COX16: variants seen among roughly 807,000 people sequenced by gnomAD.
COX16 encodes cytochrome c oxidase assembly factor COX16, also known as cytochrome c oxidase assembly protein COX16 homolog, mitochondrial.
COX16 carries 12 observed loss-of-function variants against 15.4 expected under a neutral mutation model. That is an observed-to-expected ratio of 0.78 (90% CI 0.50 to 1.26). The LOEUF is 1.26. COX16 is among the 50% of genes most tolerant of loss of function. The pLI is 0.00. For synonymous variants in COX16, 46 were observed against 41.1 expected (o/e 1.12, Z -0.46); for missense variants, 124 against 127.6 (o/e 0.97, Z 0.14).
rs553865013 is a variant in COX16, at chr14:70,326,290, T to A, written c.*43A>T. On this transcript the variant is annotated 3_prime_UTR_variant, in exon 4 of 4. Coordinates refer to ENST00000389912, the MANE Select transcript of COX16 (RefSeq NM_016468.7). ...ATATTAGGAAGTCCAGTTAATAATA[T>A]TTTTATTTAAAAAAAAAAAAAAGGA... is the stretch of plus-strand genomic sequence containing the variant. 4.8e-4 allele frequency: 672 copies of A among 1,407,822 alleles called. 1 individual carries two copies. Among genetic ancestry groups the A allele is most frequent in the Admixed American group, 2.4e-3 (80 of 32,828 alleles). The allele number at this position is 1,407,822 out of a possible 1,614,324, so 87.2% of individuals were successfully genotyped here.
intron 1 of COX16, among the ~76,000 whole-genome samples, chr14:70,345,119 A>C (rs1886737626): frequency 6.6e-6 from 1 of 152,202 alleles, no homozygotes; most frequent in Admixed American, 6.5e-5. Flanking sequence ...AGGCCACAGC[A>C]GCCAGACAAA....
chr14:70,326,897 G>A (rs1017168960), intron 3 of COX16, among the ~76,000 whole-genome samples: 8 of 152,134 alleles, frequency 5.3e-5, no homozygotes, highest in African/African-American at 1.9e-4. Context: ...TTTGTCTTAC[G>A]CCTGGGCTTA....
intron 1 of COX16, chr14:70,359,305 A>C (rs1419456854): frequency 4.7e-6 from 3 of 643,868 alleles, no homozygotes; most frequent in Admixed American, 2.1e-5. Context: ...GTACACCTGA[A>C]ATCCAACCGG....
intron 1 of COX16, among the ~76,000 whole-genome samples, chr14:70,348,851 A>T (rs1179640695): frequency 1.3e-5 from 2 of 152,190 alleles, no homozygotes; most frequent in African/African-American, 2.4e-5. Context: ...CATTCATTGC[A>T]GGGGCCACCA....
At chr14:70,346,370 T>G (rs971401277) in intron 1 of COX16, among the ~76,000 whole-genome samples, 1 of 152,212 alleles carries the variant, frequency 6.6e-6, no homozygotes, top group African/African-American at 2.4e-5. Context: ...CACGGAAGCC[T>G]CCTAGCAACC....
chr14:70,334,438 G>T (rs149735058), intron 2 of COX16, among the ~76,000 whole-genome samples: 3 of 152,156 alleles, frequency 2.0e-5, no homozygotes, highest in Non-Finnish European at 2.9e-5. Flanking sequence ...CAGAAGAATC[G>T]CTTGGAAGGC....
intron 2 of COX16, among the ~76,000 whole-genome samples, chr14:70,338,346 A>G (rs1295331613): frequency 6.6e-6 from 1 of 152,198 alleles, no homozygotes; most frequent in East Asian, 1.9e-4. Flanking sequence ...CTCCTGATTC[A>G]AGTGATCCAC....
intron 2 of COX16, among the ~76,000 whole-genome samples, chr14:70,336,444 T>G (rs1450616130): frequency 6.6e-6 from 1 of 152,222 alleles, no homozygotes; most frequent in African/African-American, 2.4e-5. Flanking sequence ...GATAATTTAT[T>G]AAATTGTACA....
At chr14:70,346,467 G>GC in intron 1 of COX16, among the ~76,000 whole-genome samples, 1 of 152,118 alleles carries the variant, frequency 6.6e-6, no homozygotes, top group South Asian at 2.1e-4. Context: ...ACCAGGCCAT[G>GC]CCCCCTCTGC....
intron 1 of COX16, among the ~76,000 whole-genome samples, chr14:70,352,735 T>C (rs1344190396): frequency 7.0e-6 from 1 of 142,920 alleles, no homozygotes; most frequent in African/African-American, 2.6e-5. Context: ...AACCTCTGCC[T>C]CCCGGGTTCA....
intron 1 of COX16, among the ~76,000 whole-genome samples, chr14:70,350,457 G>T (rs974755798): frequency 2.0e-5 from 3 of 152,072 alleles, no homozygotes; most frequent in African/African-American, 7.2e-5. Flanking sequence ...GCGCGCTCTC[G>T]GGGTTCAAAC....
At chr14:70,357,797 G>A (rs1220945239) in intron 1 of COX16, among the ~76,000 whole-genome samples, 1 of 152,182 alleles carries the variant, frequency 6.6e-6, no homozygotes, top group Non-Finnish European at 1.5e-5. Flanking sequence ...TTGCTGGTGG[G>A]AATGTAAAAT....
intron 1 of COX16, among the ~76,000 whole-genome samples, chr14:70,355,949 C>T (rs993390327): frequency 3.9e-5 from 6 of 152,134 alleles, no homozygotes; most frequent in African/African-American, 1.2e-4. Flanking sequence ...CCTCCCCTCT[C>T]TCTTGGCATG....
chr14:70,344,699 A>G (rs911479271), intron 1 of COX16, among the ~76,000 whole-genome samples: 1 of 152,182 alleles, frequency 6.6e-6, no homozygotes, highest in Non-Finnish European at 1.5e-5. Context: ...TGAACAACTC[A>G]TCCCTTCTCA....
chr14:70,350,338 T>C (rs1171132243), intron 1 of COX16, among the ~76,000 whole-genome samples: 3 of 152,196 alleles, frequency 2.0e-5, no homozygotes, highest in African/African-American at 4.8e-5. Flanking sequence ...TGTAAAACTT[T>C]CGTCCCGTCC....
intron 2 of COX16, among the ~76,000 whole-genome samples, chr14:70,330,636 A>G (rs1456948363): frequency 1.3e-5 from 2 of 152,368 alleles, no homozygotes; most frequent in East Asian, 3.9e-4. Context: ...AATTTATTCC[A>G]GAAAGGCGAA....
At chr14:70,342,584 C>G in intron 2 of COX16, 74 bp downstream of exon 2, 1 of 1,453,834 alleles carries the variant, frequency 6.9e-7, no homozygotes, top group East Asian at 2.3e-5. Flanking sequence ...ACTTAGTATA[C>G]TGAGTATACA....
At chr14:70,329,359 TCCA>T in intron 2 of COX16, 123 bp from the exon 3 acceptor site, 1 of 769,342 alleles carries the variant, frequency 1.3e-6, no homozygotes, top group South Asian at 2.1e-5. Flanking sequence ...TGGCAAAATC[TCCA>T]CCATCTACTC....
intron 2 of COX16, among the ~76,000 whole-genome samples, chr14:70,342,176 G>A (rs914820653): frequency 1.3e-5 from 2 of 152,200 alleles, no homozygotes; most frequent in African/African-American, 4.8e-5. Context: ...TGGGCACAGT[G>A]GCTCACACCT....
Sources: gnomAD v4.1 joint callset for allele counts (sites outside exome capture counted in the v4.1 genomes callset) on GRCh38, gnomAD v4.1.1 for gene constraint, MANE v1.5 for transcripts, NCBI Gene and HGNC (gene_info 2026-07-23, HGNC 2026-07-21) for gene names.